Variants in CCDC174 observed in about 807,000 individuals in gnomAD.
The protein encoded by CCDC174 is coiled-coil domain-containing protein 174.
In CCDC174, 37 loss-of-function variants were observed where a neutral mutation model predicts 57.1. That is an observed-to-expected ratio of 0.65 (90% CI 0.50 to 0.85). The LOEUF (loss-of-function observed/expected upper bound fraction) is 0.85. Ranked by LOEUF, CCDC174 falls within the 40% of genes least tolerant of loss-of-function variation. CCDC174 has a pLI of 0.00. For missense variants in CCDC174, 540 were observed against 574.3 expected, an observed-to-expected ratio of 0.94 and a Z score of 0.61; for synonymous variants, 182 against 190.2, an observed-to-expected ratio of 0.96 and a Z score of 0.35.
At chr3:14,662,890 G>T (rs2031195749) in intron 5 of CCDC174, among the ~76,000 whole-genome samples, 1 of 152,094 alleles carries the variant, frequency 6.6e-6, no homozygotes, top group Non-Finnish European at 1.5e-5. Context: ...ATTCTCATTG[G>T]GATAAAACAG....
chr3:14,668,745 G>C (rs1201315449), intron 9 of CCDC174, among the ~76,000 whole-genome samples: 1 of 152,158 alleles, frequency 6.6e-6, no homozygotes, highest in Non-Finnish European at 1.5e-5. Flanking sequence ...CATCAATCTA[G>C]AGACTCCTAC....
In CCDC174 at chr3:14,654,488, A is replaced by G. The variant is rs2030883201; in HGVS notation, c.105A>G (p.Leu35=). The G allele has an allele frequency of 6.2e-7, 1 of 1,607,300 alleles. No homozygotes were observed. The highest frequency in any genetic ancestry group is 8.5e-7 in the Non-Finnish European group (1 of 1,176,200). ...KQEEFKQEKL[L]KDSGVFGKPK... is the part of the protein sequence containing the mutation. ...AAGAATTCAAACAAGAAAAACTTCT[A>G]AAAGATTCTGGAGTTTTTGGAAAAC... The change falls in exon 2 of 11, where the codon CTA becomes CTG. Residue 35 remains leucine, a synonymous_variant. Coordinates refer to ENST00000383794, the MANE Select transcript of CCDC174 (RefSeq NM_016474.5).
At chr3:14,667,369 T>C (rs1679864145) in intron 7 of CCDC174, 55 bp from the exon 8 acceptor site, 2 of 1,303,124 alleles carry the variant, frequency 1.5e-6, no homozygotes, top group African/African-American at 1.5e-5. Flanking sequence ...GTGGCTTGAG[T>C]GTAGTTGAAT....
chr3:14,660,604 A>G (rs544519390), intron 4 of CCDC174, among the ~76,000 whole-genome samples: 1 of 152,380 alleles, frequency 6.6e-6, no homozygotes, highest in African/African-American at 2.4e-5. Flanking sequence ...AGGAGTGTGA[A>G]GGTAGAGACC....
chr3:14,653,460 C>G (rs1356131935), intron 1 of CCDC174, among the ~76,000 whole-genome samples: 1 of 152,100 alleles, frequency 6.6e-6, no homozygotes, highest in Non-Finnish European at 1.5e-5. Flanking sequence ...GAAATTGAAC[C>G]CAGCCATTTT....
chr3:14,656,437 A>G (rs560497323), intron 3 of CCDC174, among the ~76,000 whole-genome samples: 161 of 152,334 alleles, frequency 1.1e-3, no homozygotes, highest in Non-Finnish European at 1.9e-3. Context: ...GCAGTGTCCC[A>G]CAACCAATTA....
In CCDC174 at chr3:14,671,400, ATACC is replaced by A. The variant is rs1172516293; in HGVS notation, c.*212_*215del. On this transcript the variant is annotated 3_prime_UTR_variant, in exon 11 of 11. Transcript: ENST00000383794. ...ATTTTATTCTAAGTGGGATAGGGAC[ATACC>A]TACCTGGATTTACATGTGAGCTGCG... 2 of 556,000 alleles carry A rather than the reference ATACC, an allele frequency of 3.6e-6. No homozygotes were observed. Among genetic ancestry groups the A allele is most frequent in the Non-Finnish European group, 6.3e-6 (2 of 315,028 alleles). 34.4% of individuals were successfully genotyped at this position (556,000 alleles called of 1,614,324 possible).
chr3:14,669,549 T>C (rs1336128696), intron 9 of CCDC174, among the ~76,000 whole-genome samples: 1 of 152,176 alleles, frequency 6.6e-6, no homozygotes, highest in African/African-American at 2.4e-5. Flanking sequence ...GAGATTGTGA[T>C]GTTAGTTGAG....
intron 1 of CCDC174, among the ~76,000 whole-genome samples, chr3:14,653,643 A>G (rs1258259759): frequency 2.6e-5 from 4 of 152,200 alleles, no homozygotes; most frequent in African/African-American, 9.6e-5. Flanking sequence ...AATGTAGCTG[A>G]GGGAAAGGTA....
Position 14,666,900 on chromosome 3 carries a change from T to G in CCDC174, c.677T>G (p.Leu226Arg), listed in dbSNP as rs759379648. The G allele has an allele frequency of 5.2e-5, 83 of 1,606,200 alleles. No individual in the cohort carries two copies. The highest frequency in any genetic ancestry group is 6.8e-5 in the Non-Finnish European group (80 of 1,177,798). Reference sequence around the variant, plus strand: ...TGGGAGGAAGAAGAAAGAGAGGCCCTGAAGAGGCCCATGGGGCCCGTACAT... The same window carrying G: ...TGGGAGGAAGAAGAAAGAGAGGCCCGGAAGAGGCCCATGGGGCCCGTACAT... ...QQWEEEEREA[L>R]KRPMGPVHYE... Residue 226 changes from leucine (L) to arginine (R), a missense_variant, in exon 7 of 11, where the codon CTG becomes CGG. Coordinates refer to ENST00000383794, the MANE Select transcript of CCDC174 (RefSeq NM_016474.5).
At chr3:14,653,493 G>C (rs1321833371) in intron 1 of CCDC174, among the ~76,000 whole-genome samples, 2 of 152,154 alleles carry the variant, frequency 1.3e-5, no homozygotes, top group Admixed American at 1.3e-4. Flanking sequence ...CAAATAAAGT[G>C]ATTTTTTTAA....
chr3:14,668,742 C>T (rs888933421), intron 9 of CCDC174, among the ~76,000 whole-genome samples: 1 of 152,166 alleles, frequency 6.6e-6, no homozygotes, highest in Non-Finnish European at 1.5e-5. Context: ...TGCCATCAAT[C>T]TAGAGACTCC....
intron 7 of CCDC174, 52 bp from the exon 8 acceptor site, chr3:14,667,372 A>G: frequency 7.5e-7 from 1 of 1,330,440 alleles, no homozygotes; most frequent in South Asian, 1.2e-5. Flanking sequence ...GCTTGAGTGT[A>G]GTTGAATGAT....
intron 4 of CCDC174, 112 bp downstream of exon 4, chr3:14,659,041 A>G: frequency 2.8e-6 from 3 of 1,059,658 alleles, no homozygotes; most frequent in Admixed American, 3.2e-5. Context: ...AGACGTCAAA[A>G]TTTTACTTTC....
intron 1 of CCDC174, among the ~76,000 whole-genome samples, chr3:14,653,576 A>C (rs554809268): frequency 6.6e-6 from 1 of 152,340 alleles, no homozygotes; most frequent in East Asian, 1.9e-4. Flanking sequence ...CTGTACCTGG[A>C]CCATTAAAAA....
At chr3:14,670,267 C>CT (rs996306703) in intron 10 of CCDC174, among the ~76,000 whole-genome samples, 181 bp downstream of exon 10, 1 of 152,236 alleles carries the variant, frequency 6.6e-6, no homozygotes, top group Non-Finnish European at 1.5e-5. Context: ...CTCATATGCT[C>CT]TGTTTTTAGC....
intron 5 of CCDC174, among the ~76,000 whole-genome samples, chr3:14,663,381 G>A (rs2031217120): frequency 1.3e-5 from 2 of 152,216 alleles, no homozygotes; most frequent in South Asian, 4.2e-4. Context: ...CTGCTCTTCG[G>A]GTATTACCTT....
chr3:14,660,363 G>A (rs1006225792), intron 4 of CCDC174, among the ~76,000 whole-genome samples: 26 of 152,198 alleles, frequency 1.7e-4, no homozygotes, highest in African/African-American at 6.0e-4. Context: ...AATTTGCCAG[G>A]CGTGGTGGCA....
intron 1 of CCDC174, among the ~76,000 whole-genome samples, chr3:14,653,563 C>T (rs2030847469): frequency 6.6e-6 from 1 of 152,172 alleles, no homozygotes; most frequent in Non-Finnish European, 1.5e-5. Flanking sequence ...TCCATATAAG[C>T]AGCTGTACCT....
Sources: gnomAD v4.1 joint callset for allele counts (sites outside exome capture counted in the v4.1 genomes callset) on GRCh38, gnomAD v4.1.1 for gene constraint, MANE v1.5 for transcripts, NCBI Gene and HGNC (gene_info 2026-07-23, HGNC 2026-07-21) for gene names.